The following KIAA1549L variants were observed in gnomAD, a reference collection of about 807,000 sequenced individuals.
KIAA1549L encodes the protein UPF0606 protein KIAA1549L.
A neutral mutation model predicts 160.7 loss-of-function variants in KIAA1549L; 88 were observed. The observed-to-expected ratio is 0.55, with a 90% CI of 0.46 to 0.65. The LOEUF (loss-of-function observed/expected upper bound fraction) is 0.65. KIAA1549L is among the 30% of genes least tolerant of loss of function. The pLI is 0.00. For missense variants in KIAA1549L, 2,258 were observed against 2,437.5 expected, an observed-to-expected ratio of 0.93 and a Z score of 1.55; for synonymous variants, 950 against 976.7, an observed-to-expected ratio of 0.97 and a Z score of 0.51.
chr11:33,571,744 C>T (rs1855264573), intron 9 of KIAA1549L, among the ~76,000 whole-genome samples: 1 of 152,170 alleles, frequency 6.6e-6, no homozygotes, highest in Non-Finnish European at 1.5e-5. Context: ...ACCTCCAACA[C>T]TGGGATTACA....
chr11:33,595,748 T>C (rs1850182036), intron 12 of KIAA1549L, among the ~76,000 whole-genome samples: 1 of 152,220 alleles, frequency 6.6e-6, no homozygotes, highest in Non-Finnish European at 1.5e-5. Context: ...TCATTCCTGC[T>C]AGATAAAGAC....
chr11:33,569,973 C>T (rs1855188282), intron 9 of KIAA1549L, among the ~76,000 whole-genome samples: 2 of 150,518 alleles, frequency 1.3e-5, no homozygotes, highest in South Asian at 4.2e-4. Context: ...GCCAAAGGGC[C>T]CAGAGAGGTG....
chr11:33,455,038 G>GA (rs1288380534), intron 1 of KIAA1549L, among the ~76,000 whole-genome samples: 1 of 152,200 alleles, frequency 6.6e-6, no homozygotes, highest in African/African-American at 2.4e-5. Context: ...GCAGTGAGCC[G>GA]AGATTGCGCC....
chr11:33,607,990 G>A (rs890839847), intron 14 of KIAA1549L, among the ~76,000 whole-genome samples: 1 of 152,174 alleles, frequency 6.6e-6, no homozygotes, highest in Admixed American at 6.6e-5. Context: ...AAAGTCACAC[G>A]GCAGGTTATG....
intron 6 of KIAA1549L, among the ~76,000 whole-genome samples, chr11:33,559,176 C>T (rs533579037): frequency 2.4e-4 from 36 of 152,066 alleles, no homozygotes; most frequent in Non-Finnish European, 4.6e-4. Flanking sequence ...TCGCTCTGCC[C>T]GTGACCAGAC....
intron 1 of KIAA1549L, among the ~76,000 whole-genome samples, chr11:33,489,600 A>T (rs1852609915): frequency 6.6e-6 from 1 of 152,184 alleles, no homozygotes; most frequent in African/African-American, 2.4e-5. Context: ...GCCCAGGCTG[A>T]TGGAGATGCT....
intron 1 of KIAA1549L, among the ~76,000 whole-genome samples, chr11:33,470,621 G>A (rs1852158629): frequency 6.6e-6 from 1 of 151,848 alleles, no homozygotes. Flanking sequence ...TTGTTTTTTG[G>A]TAGAGATGGG....
intron 1 of KIAA1549L, among the ~76,000 whole-genome samples, chr11:33,385,219 T>A (rs1162686887): frequency 6.6e-6 from 1 of 152,216 alleles, no homozygotes; most frequent in Non-Finnish European, 1.5e-5. Flanking sequence ...GAAAAGACTA[T>A]CCTTGGTCCA....
rs547195627 is a variant in KIAA1549L at position 33,545,431 on chromosome 11, A to T, written c.3385+53A>T. ...GCAGCAAGCCTGGCCTCAGAGATGT[A>T]ACCATAATGTTTATTTTAGATCAGT... On this transcript the variant is annotated intron_variant, in intron 3 of 20. Coordinates refer to ENST00000658780, the MANE Select transcript of KIAA1549L (RefSeq NM_012194.3). 70 of 1,532,076 alleles carry T rather than the reference A, an allele frequency of 4.6e-5. No individual in the cohort carries two copies. In the African/African-American group the frequency reaches 8.0e-4, roughly 18 times the overall value. 94.9% of individuals were successfully genotyped at this position (1,532,076 alleles called of 1,614,324 possible).
rs1447444704 is a variant in KIAA1549L, at chr11:33,397,708, TCTCACACACACACACACA to T, written c.238+20821_238+20838del. ...GCCTGGGCGACAGAGCGAGACTCCATCTCACACACACACACACACACACACACACACACACACACACAC... is the reference window on the plus strand; with the variant it reads ...GCCTGGGCGACAGAGCGAGACTCCATCACACACACACACACACACACACAC... On this transcript the variant is annotated intron_variant, in intron 1 of 20. Coordinates refer to ENST00000658780, the MANE Select transcript of KIAA1549L (RefSeq NM_012194.3). 2.3e-3 allele frequency among the ~76,000 whole-genome samples: 224 copies of T among 98,950 alleles called. 2 individuals are homozygous for T. Among genetic ancestry groups the T allele is most frequent in the African/African-American group, 7.7e-3 (213 of 27,802 alleles). 64.9% of individuals were successfully genotyped at this position (98,950 alleles called of 152,430 possible).
chr11:33,528,026 A>G (rs1472329680), intron 1 of KIAA1549L, among the ~76,000 whole-genome samples: 2 of 152,186 alleles, frequency 1.3e-5, no homozygotes, highest in Admixed American at 1.3e-4. Context: ...GTTCCCCTAC[A>G]CAAGCTCTCT....
chr11:33,567,635 C>T lies in KIAA1549L; in HGVS notation c.4079-441C>T, dbSNP rs530761636. 2.0e-5 allele frequency among the ~76,000 whole-genome samples: 3 copies of T among 152,338 alleles called. No individual in the cohort carries two copies. In the South Asian group the frequency reaches 6.2e-4, roughly 32 times the overall value. ...AAATAGGAATAGCCCTGAGCCAGACCTTGAGTGGAAACCAGCAAAAATACC... is the reference window on the plus strand; with the variant it reads ...AAATAGGAATAGCCCTGAGCCAGACTTTGAGTGGAAACCAGCAAAAATACC... On this transcript the variant is annotated intron_variant, in intron 8 of 20. Transcript: ENST00000658780.
chr11:33,581,298 T>C (rs113454107), intron 10 of KIAA1549L, among the ~76,000 whole-genome samples: 5 of 152,310 alleles, frequency 3.3e-5, no homozygotes, highest in African/African-American at 9.6e-5. Context: ...CTGGAAACAC[T>C]TGAATGGATG....
At chr11:33,568,366 T>C (rs952621236) in intron 9 of KIAA1549L, 139 bp downstream of exon 9, 1 of 771,248 alleles carries the variant, frequency 1.3e-6, no homozygotes, top group African/African-American at 1.8e-5. Context: ...TCAAGGCTGC[T>C]CTTAGGTTTT....
rs1025840376 is a variant in KIAA1549L, at chr11:33,583,621, A to T, written c.4566+120A>T. 4 of 873,026 alleles carry T rather than the reference A, an allele frequency of 4.6e-6. No individual in the cohort carries two copies. In the African/African-American group the frequency reaches 6.8e-5, roughly 15 times the overall value. The allele number at this position is 873,026 out of a possible 1,614,324, so 54.1% of individuals were successfully genotyped here. On this transcript the variant is annotated intron_variant, in intron 11 of 20. Transcript: ENST00000658780. ...TGCAGAAACATCAGGGCAGGTCCTCATTTTGAAGGAGATCCTTCCTTTTAG... is the reference window on the plus strand; with the variant it reads ...TGCAGAAACATCAGGGCAGGTCCTCTTTTTGAAGGAGATCCTTCCTTTTAG...
intron 1 of KIAA1549L, among the ~76,000 whole-genome samples, chr11:33,478,576 G>A (rs954086029): frequency 1.3e-5 from 2 of 152,178 alleles, no homozygotes; most frequent in Non-Finnish European, 2.9e-5. Flanking sequence ...GATAGGAATA[G>A]CATTTTTTTC....
chr11:33,521,180 G>A (rs1378738479), intron 1 of KIAA1549L, among the ~76,000 whole-genome samples: 1 of 152,070 alleles, frequency 6.6e-6, no homozygotes, highest in African/African-American at 2.4e-5. Context: ...CTTAAAAAAC[G>A]AAGCATCTCT....
chr11:33,559,695 C>T (rs535097988), intron 6 of KIAA1549L, 54 bp from the exon 7 acceptor site: 2 of 1,533,982 alleles, frequency 1.3e-6, no homozygotes, highest in Admixed American at 3.4e-5. Context: ...CCATGAAACA[C>T]ACCCTGGTCT....
intron 16 of KIAA1549L, among the ~76,000 whole-genome samples, chr11:33,623,410 C>T (rs1005943750): frequency 6.6e-6 from 1 of 152,212 alleles, no homozygotes; most frequent in African/African-American, 2.4e-5. Flanking sequence ...CTCATCTTAG[C>T]CTTTCATTTC....
Sources: allele counts gnomAD v4.1 joint callset (sites outside exome capture counted in the v4.1 genomes callset), GRCh38; gene constraint gnomAD v4.1.1; transcripts MANE v1.5; gene names NCBI Gene and HGNC (gene_info 2026-07-23, HGNC 2026-07-21).